The following RBFOX3 variants were observed in gnomAD, a reference collection of about 807,000 sequenced individuals.
RBFOX3 encodes the protein RNA binding fox-1 homolog 3, also known as RNA binding protein fox-1 homolog 3.
In RBFOX3, 17 loss-of-function variants were observed where a neutral mutation model predicts 48.7. The ratio of observed to expected loss-of-function variants is 0.35; its 90% CI spans 0.24 to 0.52. RBFOX3 has a LOEUF of 0.52. RBFOX3 is among the 20% of genes least tolerant of loss of function. The probability of loss-of-function intolerance (pLI) is 0.94; values close to 1 mark genes in which losing one functional copy is unlikely to be tolerated. For missense variants in RBFOX3, 382 were observed against 497.5 expected (o/e 0.77, Z 2.21); for synonymous variants, 212 against 209.5 (o/e 1.01, Z -0.10).
chr17:79,643,794 G>T, the RBFOX3 span, among the ~76,000 whole-genome samples: 1 of 151,976 alleles, frequency 6.6e-6, no homozygotes, highest in Non-Finnish European at 1.5e-5. Flanking sequence ...CTAAAATAAA[G>T]CTTAGAGAAA....
the RBFOX3 span, among the ~76,000 whole-genome samples, chr17:79,655,344 G>T: frequency 1.1e-4 from 16 of 152,306 alleles, no homozygotes; most frequent in South Asian, 6.2e-4. Flanking sequence ...TGTGTGCCCA[G>T]GGAAATAACC....
intron 1 of RBFOX3, among the ~76,000 whole-genome samples, chr17:79,506,648 G>A (rs1353044494): frequency 6.6e-6 from 1 of 152,208 alleles, no homozygotes; most frequent in Non-Finnish European, 1.5e-5. Flanking sequence ...CCAGGCCTGG[G>A]GACTGGAGTG....
intron 3 of RBFOX3, among the ~76,000 whole-genome samples, chr17:79,301,500 C>A (rs2075308726): frequency 6.6e-6 from 1 of 152,258 alleles, no homozygotes; most frequent in South Asian, 2.1e-4. Context: ...AAGGCTCCGG[C>A]CCTGCTCACC....
intron 3 of RBFOX3, among the ~76,000 whole-genome samples, chr17:79,241,838 C>T (rs2062423744): frequency 6.6e-6 from 1 of 152,154 alleles, no homozygotes; most frequent in Non-Finnish European, 1.5e-5. Flanking sequence ...AAGCAGTCTC[C>T]CTGGTGTCTG....
chr17:79,193,276 G>C (rs966795750), intron 4 of RBFOX3, among the ~76,000 whole-genome samples: 2 of 152,312 alleles, frequency 1.3e-5, no homozygotes, highest in South Asian at 4.1e-4. Context: ...ACCTCCCAGT[G>C]GGGGCAGGGA....
intron 2 of RBFOX3, among the ~76,000 whole-genome samples, chr17:79,439,096 C>G (rs1347774817): frequency 6.6e-6 from 1 of 152,188 alleles, no homozygotes; most frequent in Non-Finnish European, 1.5e-5. Flanking sequence ...ATTAACTGTC[C>G]CTCTGGCGCT....
At chr17:79,354,744 G>C (rs1420983859) in intron 2 of RBFOX3, among the ~76,000 whole-genome samples, 1 of 152,218 alleles carries the variant, frequency 6.6e-6, no homozygotes. Context: ...CTCAGGCACA[G>C]GGACCTCACC....
At chr17:79,512,704 G>A (rs2149878230) in intron 1 of RBFOX3, among the ~76,000 whole-genome samples, 1 of 134,568 alleles carries the variant, frequency 7.4e-6, no homozygotes, top group East Asian at 2.4e-4. Flanking sequence ...ACAGCCCCAT[G>A]GCCAAGGGAC....
intron 1 of RBFOX3, chr17:79,604,069 A>C (rs1340467336): frequency 6.6e-6 from 1 of 152,302 alleles, no homozygotes. Flanking sequence ...CGCCTTGCTC[A>C]GAAGTCACTT....
chr17:79,138,756 C>CCCT (rs1356286970), intron 4 of RBFOX3, among the ~76,000 whole-genome samples: 1 of 119,924 alleles, frequency 8.3e-6, no homozygotes, highest in African/African-American at 3.0e-5. Flanking sequence ...GTTCACACCA[C>CCCT]CATCCACAAA....
rs1009370255 is a variant in RBFOX3 at position 79,093,855 on chromosome 17, G to A, written c.1077+596C>T. Among the ~76,000 whole-genome samples the A allele has an allele frequency of 1.0e-4, 15 of 147,888 alleles. No homozygotes were observed. The South Asian group carries it at 3.4e-3, about 33-fold the overall frequency. On this transcript the variant is annotated intron_variant, in intron 14 of 14. Transcript: ENST00000693108. The stretch of plus-strand genomic sequence containing the variant: ...GACACGCCACGCCGCGCACCTCCCC[G>A]CCCCGCCCCTTCCACCCCACAGCCT...
At chr17:79,530,429 C>T (rs1235976387) in intron 1 of RBFOX3, among the ~76,000 whole-genome samples, 3 of 152,178 alleles carry the variant, frequency 2.0e-5, no homozygotes, top group African/African-American at 7.2e-5. Flanking sequence ...GCGTAAGGCC[C>T]AGAGCCGTGC....
At chr17:79,253,532 T>A (rs1426571136) in intron 3 of RBFOX3, among the ~76,000 whole-genome samples, 5 of 151,168 alleles carry the variant, frequency 3.3e-5, no homozygotes, top group Admixed American at 6.6e-5. Context: ...TTAAATGAAA[T>A]TTTTTTTTTA....
Position 79,111,216 on chromosome 17 carries a change from C to T in RBFOX3, c.222+4278G>A, listed in dbSNP as rs757349585. ...CTGGGCGCACAGGCATCTATGCCTG[C>T]AGTGAAGCCAGGGGTGCAGAGCCCA... On this transcript the variant is annotated intron_variant, in intron 5 of 14. Coordinates refer to ENST00000693108, the MANE Select transcript of RBFOX3 (RefSeq NM_001350451.2). The surrounding 1 kb of genome is among the most constrained non-coding windows in gnomAD (Gnocchi z 4.2). 6.6e-6 allele frequency among the ~76,000 whole-genome samples: 1 copy of T among 152,192 alleles called. No individual in the cohort carries two copies. Among genetic ancestry groups the T allele is most frequent in the Non-Finnish European group, 1.5e-5 (1 of 68,042 alleles).
chr17:79,237,931 T>C (rs2061830650), intron 3 of RBFOX3, among the ~76,000 whole-genome samples: 1 of 74,678 alleles, frequency 1.3e-5, no homozygotes, highest in South Asian at 7.1e-4. Flanking sequence ...CCTTCGTTAA[T>C]TTGGGGGATT....
chr17:79,243,267 G>A lies in RBFOX3; in HGVS notation c.-73-7462C>T, dbSNP rs556418459. On this transcript the variant is annotated intron_variant, in intron 3 of 14. Coordinates refer to ENST00000693108, the MANE Select transcript of RBFOX3 (RefSeq NM_001350451.2). This position sits in a 1 kb window ranked among gnomAD's most constrained non-coding sequence, Gnocchi z 7.9. ...TATTCTGCTCAGGCCAAGCACTCCC[G>A]GATAAACCCTGGAGTGTCAGAGTGA... is the stretch of plus-strand genomic sequence containing the variant. Among the ~76,000 whole-genome samples the A allele has an allele frequency of 1.1e-4, 16 of 152,184 alleles. No individual in the cohort carries two copies. The highest frequency in any genetic ancestry group is 2.1e-4 in the South Asian group (1 of 4,820).
rs1412372562 is a variant in RBFOX3, at chr17:79,115,590, C to A, written c.126G>T (p.Glu42Asp). ...DYSGQTPVPT[E>D]HGMTLYTPAQ... ...CTGGTGTGTACAGGGTCATGCCATG[C>A]TCTGTGGGGACCGGGGTCTGGCCGG... is the stretch of plus-strand genomic sequence containing the variant. The change falls in exon 5 of 15, where the codon GAG (glutamate) becomes GAT (aspartate). Residue 42 changes from glutamate (E) to aspartate (D), a missense_variant. Glu to Asp is a conservative substitution (Grantham distance 45). This residue lies in a region of RBFOX3 where 118 missense variants were observed against 132.1 expected (regional missense o/e 0.89). Transcript: ENST00000693108. 4.9e-6 allele frequency: 7 copies of A among 1,429,798 alleles called. No individual in the cohort carries two copies. The highest frequency in any genetic ancestry group is 5.5e-6 in the Non-Finnish European group (6 of 1,091,828). 88.6% of individuals were successfully genotyped at this position (1,429,798 alleles called of 1,614,324 possible).
At chr17:79,643,521 T>C in the RBFOX3 span, among the ~76,000 whole-genome samples, 1 of 152,216 alleles carries the variant, frequency 6.6e-6, no homozygotes, top group African/African-American at 2.4e-5. Context: ...TTCACCAAGA[T>C]AGATCATGTG....
chr17:79,317,566 G>A (rs2145887801), intron 2 of RBFOX3, among the ~76,000 whole-genome samples: 1 of 152,356 alleles, frequency 6.6e-6, no homozygotes, highest in East Asian at 1.9e-4. Flanking sequence ...GATGCCCGTG[G>A]CAGGGCCTTC....
Sources: allele counts gnomAD v4.1 joint callset (sites outside exome capture counted in the v4.1 genomes callset), GRCh38; gene constraint gnomAD v4.1.1; regional missense constraint gnomAD v4.1.1; non-coding constraint Gnocchi (gnomAD v3.1); transcripts MANE v1.5; gene names NCBI Gene and HGNC (gene_info 2026-07-23, HGNC 2026-07-21).